AGPAT2: variants seen among roughly 807,000 people sequenced by gnomAD.
The protein encoded by AGPAT2 is 1-acylglycerol-3-phosphate O-acyltransferase 2, also known as 1-acyl-sn-glycerol-3-phosphate acyltransferase beta.
Under a neutral mutation model 26.1 loss-of-function variants are expected in AGPAT2, and 18 were observed. The observed-to-expected ratio is 0.69, with a 90% CI of 0.48 to 1.02. AGPAT2 has a LOEUF of 1.02. AGPAT2 is among the 50% of genes least tolerant of loss of function. The pLI is 0.00. For missense variants in AGPAT2, 415 were observed against 394.9 expected (o/e 1.05, Z -0.43); for synonymous variants, 200 against 174.2 (o/e 1.15, Z -1.16).
Position 136,673,642 on chromosome 9 carries a change from G to A in AGPAT2, c.*110C>T, listed in dbSNP as rs1306496169. 7.4e-6 allele frequency: 9 copies of A among 1,222,084 alleles called. No homozygotes were observed. Among genetic ancestry groups the A allele is most frequent in the Non-Finnish European group, 8.8e-6 (8 of 911,046 alleles). The allele number at this position is 1,222,084 out of a possible 1,614,324, so 75.7% of individuals were successfully genotyped here. A position where few individuals can be genotyped will look rare whatever the true frequency, so the allele number is the denominator to read the frequency against. Reference sequence around the variant, plus strand: ...TGCTTCCCGGGCTGAGTGAGAGCTGGGGGAGCCGGACAGAGTGGTATTTGG... The same window carrying A: ...TGCTTCCCGGGCTGAGTGAGAGCTGAGGGAGCCGGACAGAGTGGTATTTGG... On this transcript the variant is annotated 3_prime_UTR_variant, in exon 6 of 6. Transcript: ENST00000371696.
rs1846113643 is a variant in AGPAT2, at chr9:136,677,832, C to T, written c.183-276G>A. On this transcript the variant is annotated intron_variant, in intron 1 of 5. Transcript: ENST00000371696. Reference sequence around the variant, plus strand: ...TGCTAGGAGCATGGGAAGGCGCCCACTTCCAAATCCACATCCAGGGCCCAC... The same window carrying T: ...TGCTAGGAGCATGGGAAGGCGCCCATTTCCAAATCCACATCCAGGGCCCAC... Among the ~76,000 whole-genome samples, 2 of 152,212 alleles carry T rather than the reference C, an allele frequency of 1.3e-5. 1 individual carries two copies. Among genetic ancestry groups the T allele is most frequent in the South Asian group, 4.1e-4 (2 of 4,834 alleles).
chr9:136,676,759 G>C (rs1588263392), intron 3 of AGPAT2, 79 bp from the exon 4 acceptor site: 1 of 1,417,146 alleles, frequency 7.1e-7, no homozygotes, highest in African/African-American at 1.4e-5. Context: ...CTCCTAAGAA[G>C]CCCCACTTCG....
intron 1 of AGPAT2, 49 bp downstream of exon 1, chr9:136,687,127 G>A: frequency 1.3e-6 from 2 of 1,543,558 alleles, no homozygotes; most frequent in African/African-American, 1.4e-5. Flanking sequence ...TAGGGAAGCG[G>A]AAGCGGCGCG....
At chr9:136,686,769 G>A (rs62580421) in intron 1 of AGPAT2, among the ~76,000 whole-genome samples, 10,365 of 152,322 alleles carry the variant, frequency 0.068, 458 homozygotes, top group Non-Finnish European at 0.099. Flanking sequence ...CAATAGCCCT[G>A]GGGCAAGTCC....
At chr9:136,680,922 C>T (rs1423754663) in intron 1 of AGPAT2, among the ~76,000 whole-genome samples, 1 of 152,142 alleles carries the variant, frequency 6.6e-6, no homozygotes, top group Non-Finnish European at 1.5e-5. Context: ...GCCTCGGCCT[C>T]CCAAAGTGCT....
chr9:136,686,343 G>T (rs1217953084), intron 1 of AGPAT2, among the ~76,000 whole-genome samples: 1 of 152,218 alleles, frequency 6.6e-6, no homozygotes, highest in Non-Finnish European at 1.5e-5. Context: ...CAACAGCCTG[G>T]GGACGGCTAA....
intron 3 of AGPAT2, 36 bp downstream of exon 3, chr9:136,676,914 GCCCAGGCCCCA>G: frequency 1.7e-6 from 1 of 578,416 alleles, no homozygotes; most frequent in Non-Finnish European, 3.1e-6. Context: ...GCCTGGCCCC[GCCCAGGCCCCA>G]CCCCAACCCC....
intron 1 of AGPAT2, among the ~76,000 whole-genome samples, chr9:136,685,026 A>G (rs981518800): frequency 1.3e-5 from 2 of 152,128 alleles, no homozygotes; most frequent in African/African-American, 4.8e-5. Flanking sequence ...CATTGCTGGG[A>G]GTCTTGGAAG....
Position 136,673,844 on chromosome 9 carries a change from G to C in AGPAT2, c.745C>G (p.His249Asp). Residue 249 changes from histidine (H) to aspartate (D), a missense_variant, in exon 6 of 6, where the codon CAC (histidine) becomes GAC (aspartate). By Grantham distance (81) the His-to-Asp change is moderately conservative. Coordinates refer to ENST00000371696, the MANE Select transcript of AGPAT2 (RefSeq NM_006412.4). Reference protein sequence around the residue: ...ADVPALVDTCHRAMRTTFLHI... With the variant: ...ADVPALVDTCDRAMRTTFLHI... ...AGGAAGGTGGTCCTCATGGCCCGGT[G>C]GCAGGTGTCCACGAGCGCAGGGACG... is the stretch of plus-strand genomic sequence containing the variant. The C allele has an allele frequency of 6.2e-7, 1 of 1,606,568 alleles. No individual in the cohort carries two copies. The highest frequency in any genetic ancestry group is 8.5e-7 in the Non-Finnish European group (1 of 1,178,148).
chr9:136,673,411 G>A lies in AGPAT2; in HGVS notation c.*341C>T, dbSNP rs1846035488. The A allele has an allele frequency of 9.1e-6, 2 of 220,882 alleles. No homozygotes were observed. The highest frequency in any genetic ancestry group is 1.8e-5 in the Non-Finnish European group (2 of 112,444). 13.7% of individuals were successfully genotyped at this position (220,882 alleles called of 1,614,324 possible). A position where few individuals can be genotyped will look rare whatever the true frequency, so the allele number is the denominator to read the frequency against. ...CGGACAGTGTGCGTCTGGCCTCGGG[G>A]TCCTCCCATCTGCTCCTGGGCCATC... is the stretch of plus-strand genomic sequence containing the variant. On this transcript the variant is annotated 3_prime_UTR_variant, in exon 6 of 6. Coordinates refer to ENST00000371696, the MANE Select transcript of AGPAT2 (RefSeq NM_006412.4).
intron 1 of AGPAT2, among the ~76,000 whole-genome samples, chr9:136,683,487 C>G (rs1413149674): frequency 1.3e-5 from 2 of 152,158 alleles, no homozygotes; most frequent in African/African-American, 2.4e-5. Context: ...GCCCCCTCCC[C>G]CTCTGCTGGG....
At chr9:136,684,939 C>T (rs1212487654) in intron 1 of AGPAT2, among the ~76,000 whole-genome samples, 1 of 152,230 alleles carries the variant, frequency 6.6e-6, no homozygotes, top group Non-Finnish European at 1.5e-5. Flanking sequence ...AAAGCGCCTG[C>T]TCTTCATCTG....
intron 1 of AGPAT2, among the ~76,000 whole-genome samples, chr9:136,684,605 T>C (rs1368279381): frequency 6.6e-6 from 1 of 152,136 alleles, no homozygotes; most frequent in African/African-American, 2.4e-5. Context: ...AGGGGCAAGA[T>C]GGAGCGCCCC....
rs146341067 is a variant in AGPAT2, at chr9:136,687,424, C to G, written c.-67G>C. The G allele has an allele frequency of 0.09, 119,229 of 1,318,512 alleles. 5,777 individuals carry two copies. The highest frequency in any genetic ancestry group is 0.1 in the Non-Finnish European group (103,088 of 1,029,366). 81.7% of individuals were successfully genotyped at this position (1,318,512 alleles called of 1,614,324 possible). A position where few individuals can be genotyped will look rare whatever the true frequency, so the allele number is the denominator to read the frequency against. On this transcript the variant is annotated 5_prime_UTR_variant, in exon 1 of 6. Transcript: ENST00000371696. Reference sequence around the variant, plus strand: ...CTCCCGCTCCCGCTTCTCCCCCGCGCGCTCAGGCCCCTTATTGCGAGGGCG... The same window carrying G: ...CTCCCGCTCCCGCTTCTCCCCCGCGGGCTCAGGCCCCTTATTGCGAGGGCG...
chr9:136,677,987 A>C (rs1218609736), intron 1 of AGPAT2, among the ~76,000 whole-genome samples: 3 of 151,882 alleles, frequency 2.0e-5, no homozygotes, highest in Admixed American at 1.3e-4. Context: ...GGCCCCACAC[A>C]CCCTGGGGAA....
intron 1 of AGPAT2, among the ~76,000 whole-genome samples, chr9:136,681,834 A>G (rs1846165057): frequency 6.6e-6 from 1 of 152,050 alleles, no homozygotes; most frequent in South Asian, 2.1e-4. Flanking sequence ...CTCAGAGAGG[A>G]AGGGACTGAA....
chr9:136,677,380 G>T, intron 2 of AGPAT2, 43 bp downstream of exon 2: 1 of 1,612,444 alleles, frequency 6.2e-7, no homozygotes, highest in Non-Finnish European at 8.5e-7. Context: ...AGCTCAGCCG[G>T]CCCCACTCAA....
intron 5 of AGPAT2, 148 bp from the exon 6 acceptor site, chr9:136,674,075 G>T: frequency 1.3e-6 from 1 of 758,876 alleles, no homozygotes; most frequent in Non-Finnish European, 2.0e-6. Flanking sequence ...CCTAGCCGTG[G>T]TGGGTTATTT....
intron 1 of AGPAT2, among the ~76,000 whole-genome samples, chr9:136,682,269 C>G (rs1210835549): frequency 1.3e-5 from 2 of 152,136 alleles, no homozygotes; most frequent in Non-Finnish European, 2.9e-5. Flanking sequence ...GGAGCTTGCT[C>G]CGGCCTCCCC....
Sources: allele counts gnomAD v4.1 joint callset (sites outside exome capture counted in the v4.1 genomes callset), GRCh38; gene constraint gnomAD v4.1.1; transcripts MANE v1.5; gene names NCBI Gene and HGNC (gene_info 2026-07-23, HGNC 2026-07-21).